DPP4: variants seen among roughly 807,000 people sequenced by gnomAD.
DPP4 encodes the protein ADCP-2.
A neutral mutation model predicts 122.4 loss-of-function variants in DPP4; 93 were observed. The ratio of observed to expected loss-of-function variants is 0.76; its 90% CI spans 0.64 to 0.90. DPP4 has a LOEUF of 0.90. Ranked by LOEUF, DPP4 falls within the 40% of genes least tolerant of loss-of-function variation. DPP4 has a pLI of 0.00. For missense variants in DPP4, 914 were observed against 907.3 expected, an observed-to-expected ratio of 1.01 and a Z score of -0.09; for synonymous variants, 321 against 302.9, an observed-to-expected ratio of 1.06 and a Z score of -0.62.
intron 16 of DPP4, 46 bp from the exon 17 acceptor site, chr2:162,017,201 A>G (rs756768949): frequency 4.5e-6 from 7 of 1,544,814 alleles, no homozygotes; most frequent in Non-Finnish European, 5.3e-6. Context: ...ATACTTTTTT[A>G]GAAAAGATAG....
intron 12 of DPP4, 53 bp from the exon 13 acceptor site, chr2:162,020,741 T>C (rs1220039045): frequency 3.7e-6 from 5 of 1,356,920 alleles, no homozygotes; most frequent in Non-Finnish European, 5.1e-6. Flanking sequence ...CTCATCTCAG[T>C]ACCAACTTTA....
In DPP4 at chr2:162,046,954, T is replaced by A. The variant is rs748534860; in HGVS notation, c.246A>T (p.Glu82Asp). 1.3e-6 allele frequency: 2 copies of A among 1,598,456 alleles called. No individual in the cohort carries two copies. The highest frequency in any genetic ancestry group is 4.5e-5 in the East Asian group (2 of 44,764). Residue 82 changes from glutamate to aspartate, a missense_variant, in exon 4 of 26, where the codon GAA (glutamate) becomes GAT (aspartate). Transcript: ENST00000360534. Reference sequence around the variant, plus strand: ...CCAAGAAAACTGAGCTGTTTCCATATTCAGCATTGAATACCAAGATATTAT... The same window carrying A: ...CCAAGAAAACTGAGCTGTTTCCATAATCAGCATTGAATACCAAGATATTAT... ...QENNILVFNA[E>D]YGNSSVFLEN... is the part of the protein sequence containing the mutation.
At chr2:162,018,620 G>A in intron 16 of DPP4, 109 bp downstream of exon 16, 1 of 1,368,520 alleles carries the variant, frequency 7.3e-7, no homozygotes, top group Non-Finnish European at 9.8e-7. Flanking sequence ...TGGAGAGAAG[G>A]GGACTTAGGT....
intron 2 of DPP4, 76 bp downstream of exon 2, chr2:162,073,323 G>C: frequency 2.0e-6 from 3 of 1,489,966 alleles, no homozygotes; most frequent in Non-Finnish European, 2.8e-6. Context: ...AAAATCCCTC[G>C]TTTCCCTTAG....
chr2:162,043,701 G>A (rs1231547259), intron 5 of DPP4, among the ~76,000 whole-genome samples: 2 of 152,106 alleles, frequency 1.3e-5, no homozygotes, highest in Non-Finnish European at 2.9e-5. Flanking sequence ...CTCAGCCCTG[G>A]TTGCCATTAC....
In DPP4 at chr2:162,008,592, C is replaced by T. The variant is rs751172709; in HGVS notation, c.1957G>A (p.Val653Met). 16 of 1,613,484 alleles carry T rather than the reference C, an allele frequency of 9.9e-6. No individual in the cohort carries two copies. The highest frequency in any genetic ancestry group is 4.5e-5 in the East Asian group (2 of 44,874). The change falls in exon 22 of 26, where the codon GTG becomes ATG. Residue 653 changes from valine to methionine, a missense_variant. By Grantham distance (21) the Val-to-Met change is conservative. Transcript: ENST00000360534. ...TACTCCCACCGGGATACAGGCGCCA[C>T]GGCTATTCCACACTTGAACACGCCA... ...GSGVFKCGIA[V>M]APVSRWEYYD...
chr2:162,022,646 A>G (rs967181387), intron 12 of DPP4, 109 bp downstream of exon 12: 4 of 1,003,508 alleles, frequency 4.0e-6, no homozygotes, highest in Non-Finnish European at 6.3e-6. Context: ...TAGGTTAACT[A>G]ATATTGCTAT....
chr2:162,028,021 C>T (rs1404293357), intron 10 of DPP4, among the ~76,000 whole-genome samples: 1 of 147,494 alleles, frequency 6.8e-6, no homozygotes, highest in South Asian at 2.2e-4. Context: ...AGCCTTGAGC[C>T]AAGATTATGC....
At chr2:161,995,468 G>GCCCCCTTTT in intron 23 of DPP4, 96 bp from the exon 24 acceptor site, 1 of 1,174,306 alleles carries the variant, frequency 8.5e-7, no homozygotes, top group Non-Finnish European at 1.3e-6. Context: ...TTCAGCTGGG[G>GCCCCCTTTT]CCCCCTTTGA....
intron 10 of DPP4, among the ~76,000 whole-genome samples, chr2:162,027,355 A>C (rs2300756): frequency 0.045 from 6,826 of 152,182 alleles, 374 homozygotes; most frequent in East Asian, 0.26. Flanking sequence ...TCTCAAAAAA[A>C]AAAAAAAAGT....
intron 2 of DPP4, among the ~76,000 whole-genome samples, chr2:162,063,565 G>C (rs1032268831): frequency 6.6e-6 from 1 of 151,986 alleles, no homozygotes; most frequent in Non-Finnish European, 1.5e-5. Flanking sequence ...AGAGCCCCGA[G>C]GGGAGGTGGA....
chr2:162,010,058 C>T (rs996568041), intron 20 of DPP4, among the ~76,000 whole-genome samples: 11 of 152,250 alleles, frequency 7.2e-5, no homozygotes, highest in African/African-American at 2.6e-4. Context: ...ATTAACCTAT[C>T]TTGATTTTGA....
At chr2:162,073,624 G>T in intron 1 of DPP4, 138 bp from the exon 2 acceptor site, 2 of 818,950 alleles carry the variant, frequency 2.4e-6, no homozygotes, top group East Asian at 2.6e-5. Flanking sequence ...GGCTGGGGGT[G>T]GGGGTGGCGT....
At chr2:162,013,143 G>A (rs201598224) in intron 19 of DPP4, among the ~76,000 whole-genome samples, 44 of 142,220 alleles carry the variant, frequency 3.1e-4, no homozygotes, top group Non-Finnish European at 2.7e-4. Flanking sequence ...TTTTAAAATA[G>A]AAAAAAAAAA....
At chr2:162,047,163 T>C (rs1345108306) in intron 3 of DPP4, among the ~76,000 whole-genome samples, 157 bp from the exon 4 acceptor site, 1 of 152,208 alleles carries the variant, frequency 6.6e-6, no homozygotes. Context: ...CATTCATTTT[T>C]TCATCATTAT....
chr2:162,027,863 G>T (rs945448640), intron 10 of DPP4, among the ~76,000 whole-genome samples: 6 of 152,018 alleles, frequency 3.9e-5, no homozygotes, highest in African/African-American at 9.7e-5. Context: ...CAGATCAAAG[G>T]TTTATGGTCC....
chr2:162,037,974 TA>T (rs1298966333), intron 8 of DPP4, among the ~76,000 whole-genome samples: 10 of 152,156 alleles, frequency 6.6e-5, no homozygotes, highest in Non-Finnish European at 1.5e-4. Flanking sequence ...TAGGTAGGCT[TA>T]ATTAGAGAAA....
intron 10 of DPP4, chr2:162,032,284 T>A: frequency 6.6e-6 from 1 of 152,232 alleles, no homozygotes; most frequent in Admixed American, 6.5e-5. Flanking sequence ...AGGCACACGA[T>A]GACAGTTGTT....
At chr2:162,057,540 G>A (rs1684618526) in intron 2 of DPP4, among the ~76,000 whole-genome samples, 1 of 152,188 alleles carries the variant, frequency 6.6e-6, no homozygotes, top group Non-Finnish European at 1.5e-5. Context: ...GCACCCAGCA[G>A]TAGCACCTGC....
Sources: gnomAD v4.1 joint callset for allele counts (sites outside exome capture counted in the v4.1 genomes callset) on GRCh38, gnomAD v4.1.1 for gene constraint, MANE v1.5 for transcripts, NCBI Gene and HGNC (gene_info 2026-07-23, HGNC 2026-07-21) for gene names.